The following CSMD1 variants were observed in gnomAD, a reference collection of about 807,000 sequenced individuals.
CSMD1 encodes the protein CUB and sushi domain-containing protein 1.
Under a neutral mutation model 417.5 loss-of-function variants are expected in CSMD1, and 213 were observed. The observed-to-expected ratio is 0.51, with a 90% CI of 0.46 to 0.57. The LOEUF is 0.57. Among genes scored for constraint, CSMD1 ranks in the 20% least tolerant of loss-of-function variants. CSMD1 has a pLI of 0.00. For missense variants in CSMD1, 6,923 were observed against 4,529.7 expected (o/e 1.53, Z -15.17); for synonymous variants, 2,862 against 1,736.8 (o/e 1.65, Z -16.11).
intron 2 of CSMD1, among the ~76,000 whole-genome samples, chr8:4,600,272 C>G (rs929414757): frequency 6.6e-6 from 1 of 152,094 alleles, no homozygotes; most frequent in Non-Finnish European, 1.5e-5. Context: ...CTGGATTTGA[C>G]TTCCAGGTTG....
At chr8:4,064,929 TAA>T (rs35007277) in intron 3 of CSMD1, among the ~76,000 whole-genome samples, 6 of 148,882 alleles carry the variant, frequency 4.0e-5, no homozygotes, top group South Asian at 2.1e-4. Context: ...GACCTAGGCT[TAA>T]AAAAAAAAAC....
At chr8:3,456,239 C>A (rs576953469) in intron 12 of CSMD1, among the ~76,000 whole-genome samples, 5 of 152,228 alleles carry the variant, frequency 3.3e-5, no homozygotes, top group Admixed American at 2.0e-4. Context: ...AAAGGGAATT[C>A]CCTGACCGCT....
At chr8:4,137,611 G>T (rs775712462) in intron 3 of CSMD1, among the ~76,000 whole-genome samples, 1 of 131,210 alleles carries the variant, frequency 7.6e-6, no homozygotes, top group African/African-American at 2.5e-5. Flanking sequence ...ATACAAAAAA[G>T]ACAACTGTTA....
chr8:3,631,705 T>C (rs17066697), intron 7 of CSMD1, among the ~76,000 whole-genome samples: 3,211 of 152,236 alleles, frequency 0.021, 115 homozygotes, highest in African/African-American at 0.073. Context: ...AGGGAAGAAA[T>C]TTTACTGTTC....
chr8:3,770,168 C>A (rs1469873796), intron 5 of CSMD1, among the ~76,000 whole-genome samples: 1 of 152,232 alleles, frequency 6.6e-6, no homozygotes. Flanking sequence ...CTATGCCACA[C>A]TCATACAGGT....
intron 2 of CSMD1, among the ~76,000 whole-genome samples, chr8:4,455,363 T>C (rs1799403544): frequency 1.3e-5 from 2 of 152,108 alleles, no homozygotes; most frequent in Admixed American, 6.5e-5. Context: ...ACCCAGAAGC[T>C]GGAAAACTGG....
chr8:3,385,608 G>C (rs959880855), intron 18 of CSMD1, among the ~76,000 whole-genome samples: 4 of 152,078 alleles, frequency 2.6e-5, no homozygotes, highest in African/African-American at 9.7e-5. Context: ...TTTTATAAGA[G>C]TTTACTATTA....
intron 30 of CSMD1, among the ~76,000 whole-genome samples, chr8:3,207,365 G>C (rs1000087809): frequency 2.7e-5 from 4 of 149,778 alleles, no homozygotes; most frequent in African/African-American, 7.4e-5. Flanking sequence ...GGCTGGTCTC[G>C]AACTCCTGAC....
chr8:3,360,015 G>C (rs976961769), intron 20 of CSMD1, among the ~76,000 whole-genome samples: 2 of 152,102 alleles, frequency 1.3e-5, no homozygotes, highest in African/African-American at 4.8e-5. Flanking sequence ...CCTCCCAAAG[G>C]TGCTTTTTGG....
chr8:3,349,948 G>A (rs2117651095), intron 21 of CSMD1, among the ~76,000 whole-genome samples: 1 of 142,060 alleles, frequency 7.0e-6, no homozygotes, highest in Non-Finnish European at 1.5e-5. Flanking sequence ...TATATTATAT[G>A]TGTATGTGTG....
intron 2 of CSMD1, among the ~76,000 whole-genome samples, chr8:4,479,357 T>C (rs1343713175): frequency 1.3e-5 from 2 of 152,186 alleles, no homozygotes; most frequent in Non-Finnish European, 2.9e-5. Flanking sequence ...CTTTACCACA[T>C]ATGTCCGGTT....
At chr8:4,977,362 A>G (rs2117411336) in intron 1 of CSMD1, among the ~76,000 whole-genome samples, 1 of 152,214 alleles carries the variant, frequency 6.6e-6, no homozygotes, top group African/African-American at 2.4e-5. Context: ...CCCCAGGCCC[A>G]CTGAGCAGCT....
intron 3 of CSMD1, among the ~76,000 whole-genome samples, chr8:4,289,712 T>C (rs1797255193): frequency 6.6e-6 from 1 of 152,198 alleles, no homozygotes; most frequent in African/African-American, 2.4e-5. Flanking sequence ...TTTCTTCAGC[T>C]ACTGAGATTT....
intron 3 of CSMD1, among the ~76,000 whole-genome samples, chr8:4,417,052 A>G (rs933568973): frequency 6.6e-6 from 1 of 152,022 alleles, no homozygotes; most frequent in African/African-American, 2.4e-5. Flanking sequence ...ATCTTACAAC[A>G]CTGAATTAAG....
intron 23 of CSMD1, among the ~76,000 whole-genome samples, chr8:3,315,243 C>T (rs1190634287): frequency 6.6e-6 from 1 of 152,086 alleles, no homozygotes; most frequent in East Asian, 1.9e-4. Context: ...TTTATTAACT[C>T]TATTTGGATT....
chr8:4,600,585 A>C (rs1378665333), intron 2 of CSMD1, among the ~76,000 whole-genome samples: 1 of 152,232 alleles, frequency 6.6e-6, no homozygotes, highest in South Asian at 2.1e-4. Flanking sequence ...TCCTAAAGAA[A>C]ACATTTATTC....
chr8:3,596,306 G>C (rs143094718), intron 8 of CSMD1, among the ~76,000 whole-genome samples: 4 of 152,282 alleles, frequency 2.6e-5, no homozygotes, highest in African/African-American at 4.8e-5. Flanking sequence ...TCATGAACAT[G>C]CCCAGGCAGC....
At chr8:4,823,048 G>C (rs912838704) in intron 1 of CSMD1, among the ~76,000 whole-genome samples, 1 of 151,984 alleles carries the variant, frequency 6.6e-6, no homozygotes, top group Admixed American at 6.6e-5. Context: ...TCTGTGAAAT[G>C]CATTTTTGCC....
chr8:4,867,357 T>C (rs891999186), intron 1 of CSMD1, among the ~76,000 whole-genome samples: 8 of 152,100 alleles, frequency 5.3e-5, no homozygotes, highest in African/African-American at 1.9e-4. Context: ...TTCTTTCCTC[T>C]TTAAATAGTT....
Sources: gnomAD v4.1 joint callset for allele counts (sites outside exome capture counted in the v4.1 genomes callset) on GRCh38, gnomAD v4.1.1 for gene constraint, MANE v1.5 for transcripts, NCBI Gene and HGNC (gene_info 2026-07-23, HGNC 2026-07-21) for gene names.